The following FBN1 variants were observed in gnomAD, a reference collection of about 807,000 sequenced individuals.
FBN1 encodes the protein fibrillin 1, also known as fibrillin-1.
FBN1 carries 29 observed loss-of-function variants against 365.1 expected under a neutral mutation model. The observed-to-expected ratio is 0.08, with a 90% confidence interval of 0.06 to 0.11. The LOEUF is 0.11. Ranked by LOEUF, FBN1 falls within the 10% of genes least tolerant of loss-of-function variation. FBN1 has a pLI of 1.00. For synonymous variants in FBN1, 1,210 were observed against 1,270.5 expected, an observed-to-expected ratio of 0.95 and a Z score of 1.01; for missense variants, 2,476 against 3,703.2, an observed-to-expected ratio of 0.67 and a Z score of 8.60.
intron 58 of FBN1, among the ~76,000 whole-genome samples, chr15:48,427,045 G>T (rs1452259226): frequency 1.3e-5 from 2 of 152,144 alleles, no homozygotes; most frequent in African/African-American, 2.4e-5. Context: ...ATTGGTGACA[G>T]GCCTAGATAT....
intron 6 of FBN1, among the ~76,000 whole-genome samples, chr15:48,557,919 A>G (rs1051514711): frequency 1.3e-5 from 2 of 152,222 alleles, no homozygotes; most frequent in African/African-American, 4.8e-5. Context: ...ATTTGCCAGG[A>G]CTAAGGCTTG....
chr15:48,634,426 G>C (rs1361811855), intron 2 of FBN1, among the ~76,000 whole-genome samples: 2 of 152,100 alleles, frequency 1.3e-5, no homozygotes. Context: ...TCCCAATGCT[G>C]CCGGGAGTGA....
At chr15:48,603,289 G>A (rs549389501) in intron 4 of FBN1, among the ~76,000 whole-genome samples, 3 of 152,262 alleles carry the variant, frequency 2.0e-5, no homozygotes, top group African/African-American at 7.2e-5. Flanking sequence ...TGAATCCTTG[G>A]GGGAAGCCAG....
Position 48,490,192 on chromosome 15 carries a change from T to C in FBN1, c.2855-114A>G, listed in dbSNP as rs974683046. 14 of 928,074 alleles carry C rather than the reference T, an allele frequency of 1.5e-5. No individual in the cohort carries two copies. In the Admixed American group the frequency reaches 2.4e-4, roughly 16 times the overall value. 57.5% of individuals were successfully genotyped at this position (928,074 alleles called of 1,614,324 possible). A position where few individuals can be genotyped will look rare whatever the true frequency, so the allele number is the denominator to read the frequency against. Reference sequence around the variant, plus strand: ...CACATAATAATTTGCTGTATACTTATTGACTGGAATTAGTTTTATTCCTCA... The same window carrying C: ...CACATAATAATTTGCTGTATACTTACTGACTGGAATTAGTTTTATTCCTCA... On this transcript the variant is annotated intron_variant, in intron 24 of 65. Coordinates refer to ENST00000316623, the MANE Select transcript of FBN1 (RefSeq NM_000138.5).
intron 36 of FBN1, 84 bp from the exon 37 acceptor site, chr15:48,468,618 A>G: frequency 1.4e-6 from 2 of 1,456,940 alleles, no homozygotes; most frequent in Middle Eastern, 1.8e-4. Flanking sequence ...CCCAATCTAG[A>G]GCTCCAAACA....
At chr15:48,539,886 A>T (rs1016398066) in intron 6 of FBN1, among the ~76,000 whole-genome samples, 5 of 152,092 alleles carry the variant, frequency 3.3e-5, no homozygotes, top group African/African-American at 1.2e-4. Flanking sequence ...AATATTTTAC[A>T]TTGTATGCCA....
chr15:48,513,067 T>C (rs985571731), intron 13 of FBN1, among the ~76,000 whole-genome samples: 1 of 152,164 alleles, frequency 6.6e-6, no homozygotes, highest in Admixed American at 6.5e-5. Context: ...TCTGCAATAG[T>C]ATGTCTGTGG....
chr15:48,466,683 G>A (rs2043325166), intron 38 of FBN1, among the ~76,000 whole-genome samples: 1 of 151,994 alleles, frequency 6.6e-6, no homozygotes, highest in Non-Finnish European at 1.5e-5. Context: ...TTCTAACTCT[G>A]GTCCAGATCT....
chr15:48,424,541 G>A (rs1328192254), intron 60 of FBN1, among the ~76,000 whole-genome samples: 2 of 152,028 alleles, frequency 1.3e-5, no homozygotes, highest in Non-Finnish European at 2.9e-5. Context: ...TAAGCTTTAT[G>A]AGAAAAAATA....
Position 48,490,366 on chromosome 15 carries a change from T to C in FBN1, c.2855-288A>G, listed in dbSNP as rs11635140. Among the ~76,000 whole-genome samples the C allele has an allele frequency of 0.49, 74,972 of 152,000 alleles. 23,026 individuals carry two copies. Among genetic ancestry groups the C allele is most frequent in the African/African-American group, 0.87 (35,936 of 41,460 alleles). The stretch of plus-strand genomic sequence containing the variant: ...TGGTATTCTGAGAGATCCCACAGTG[T>C]TCTTTCGGGAGATGTTTTTCTCCTG... On this transcript the variant is annotated intron_variant, in intron 24 of 65. Transcript: ENST00000316623.
chr15:48,433,054 A>T (rs2043036737), intron 54 of FBN1, 66 bp from the exon 55 acceptor site: 1 of 1,580,848 alleles, frequency 6.3e-7, no homozygotes, highest in Non-Finnish European at 8.7e-7. Context: ...CTACCAATTG[A>T]ACTAAAACTC....
chr15:48,515,351 C>T, intron 12 of FBN1, 36 bp downstream of exon 12: 2 of 1,613,006 alleles, frequency 1.2e-6, no homozygotes, highest in Non-Finnish European at 1.7e-6. Flanking sequence ...AGAATTACAA[C>T]AGACCCTTGG....
At chr15:48,598,420 T>C (rs1273699220) in intron 5 of FBN1, among the ~76,000 whole-genome samples, 1 of 152,238 alleles carries the variant, frequency 6.6e-6, no homozygotes, top group African/African-American at 2.4e-5. Flanking sequence ...TTGTTAGTGT[T>C]GTTTATTGTT....
At chr15:48,557,907 G>A (rs2044194012) in intron 6 of FBN1, among the ~76,000 whole-genome samples, 1 of 152,182 alleles carries the variant, frequency 6.6e-6, no homozygotes, top group East Asian at 1.9e-4. Flanking sequence ...ACCAGGAGAT[G>A]AATTTGCCAG....
chr15:48,547,911 G>T (rs750981764), intron 6 of FBN1, among the ~76,000 whole-genome samples: 1 of 152,126 alleles, frequency 6.6e-6, no homozygotes, highest in Non-Finnish European at 1.5e-5. Flanking sequence ...CTCAGCTGAA[G>T]AAAGACAAGT....
At chr15:48,579,006 TAATAAA>T (rs1442705308) in intron 6 of FBN1, among the ~76,000 whole-genome samples, 1 of 121,578 alleles carries the variant, frequency 8.2e-6, no homozygotes, top group African/African-American at 3.1e-5. Flanking sequence ...TAAAGTATAA[TAATAAA>T]AATAAAAATA....
At chr15:48,520,638 G>C in intron 10 of FBN1, 21 bp downstream of exon 10, 1 of 1,613,542 alleles carries the variant, frequency 6.2e-7, no homozygotes, top group South Asian at 1.1e-5. Context: ...ATATTCTGCA[G>C]ATAACTGGAA....
At chr15:48,529,083 G>A (rs926443093) in intron 8 of FBN1, 1 of 152,122 alleles carries the variant, frequency 6.6e-6, no homozygotes, top group African/African-American at 2.4e-5. Context: ...ATTTGAGAAC[G>A]GTCACTTTCT....
chr15:48,546,838 G>A (rs780855358), intron 6 of FBN1, among the ~76,000 whole-genome samples: 4 of 152,170 alleles, frequency 2.6e-5, no homozygotes, highest in African/African-American at 4.8e-5. Context: ...CCAACAGCAC[G>A]TGTGGATGGA....
Sources: allele counts gnomAD v4.1 joint callset (sites outside exome capture counted in the v4.1 genomes callset), GRCh38; gene constraint gnomAD v4.1.1; transcripts MANE v1.5; gene names NCBI Gene and HGNC (gene_info 2026-07-23, HGNC 2026-07-21).